Variants in ATP5F1A observed in about 807,000 individuals in gnomAD.
The protein encoded by ATP5F1A is ATP synthase F(1) complex subunit alpha, mitochondrial.
Under a neutral mutation model 57.4 loss-of-function variants are expected in ATP5F1A, and 24 were observed. The observed-to-expected ratio is 0.42, with a 90% confidence interval of 0.30 to 0.59. ATP5F1A has a LOEUF of 0.59. ATP5F1A is among the 20% of genes least tolerant of loss of function. ATP5F1A has a pLI of 0.19. For missense variants in ATP5F1A, 494 were observed against 707.9 expected (o/e 0.70, Z 3.43); for synonymous variants, 251 against 255.5 (o/e 0.98, Z 0.17).
At chr18:46,095,876 A>G (rs1910910022) in intron 1 of ATP5F1A, among the ~76,000 whole-genome samples, 1 of 150,820 alleles carries the variant, frequency 6.6e-6, no homozygotes, top group Non-Finnish European at 1.5e-5. Context: ...CAGTAAATAT[A>G]TATATACACA....
upstream of ATP5F1A, among the ~76,000 whole-genome samples, chr18:46,100,147 A>T: frequency 6.7e-6 from 1 of 149,162 alleles, no homozygotes; most frequent in Non-Finnish European, 1.5e-5. Flanking sequence ...GCTACTGGGG[A>T]GGCTGAGGCA....
rs541416190 is a variant in ATP5F1A at position 46,084,459 on chromosome 18, C to T, written c.1580+45G>A. 22 of 1,576,036 alleles carry T rather than the reference C, an allele frequency of 1.4e-5. No homozygotes were observed. The African/African-American group carries it at 2.3e-4, about 17-fold the overall frequency. ...TTTGAAAATAATTTTAACTTCATATCTTAAACATAACTTTAAAAAAAGATG... is the reference window on the plus strand; with the variant it reads ...TTTGAAAATAATTTTAACTTCATATTTTAAACATAACTTTAAAAAAAGATG... On this transcript the variant is annotated intron_variant, in intron 11 of 11. Transcript: ENST00000398752.
At chr18:46,089,802 T>G (rs759887921) in intron 4 of ATP5F1A, 21 bp downstream of exon 4, 3 of 1,609,550 alleles carry the variant, frequency 1.9e-6, no homozygotes, top group Non-Finnish European at 1.7e-6. Flanking sequence ...TGCAACTATA[T>G]CTAACGAACA....
chr18:46,099,265 T>G (rs1212162956), upstream of ATP5F1A: 1 of 151,672 alleles, frequency 6.6e-6, no homozygotes, highest in East Asian at 1.9e-4. Flanking sequence ...TCATTTGGAG[T>G]CAAAGGGAGA....
intron 1 of ATP5F1A, chr18:46,097,737 C>T: frequency 1.2e-6 from 1 of 833,226 alleles, no homozygotes; most frequent in Non-Finnish European, 1.5e-6. Context: ...GACCTTCACA[C>T]AATGTCAGAC....
At chr18:46,084,402 G>A (rs1909934365) in intron 11 of ATP5F1A, 39 bp from the exon 12 acceptor site, 1 of 1,595,892 alleles carries the variant, frequency 6.3e-7, no homozygotes, top group African/African-American at 1.4e-5. Flanking sequence ...TTCTGACCTG[G>A]AAAAAGTTTT....
At chr18:46,099,989 G>A (rs1446183303), upstream of ATP5F1A, among the ~76,000 whole-genome samples, 1 of 152,048 alleles carries the variant, frequency 6.6e-6, no homozygotes, top group Non-Finnish European at 1.5e-5. Context: ...AGTGGCTCAC[G>A]CCTGTAATCC....
chr18:46,098,362 A>AAACCCCCCCCCC (rs1555696620), upstream of ATP5F1A: 1 of 1,192,938 alleles, frequency 8.4e-7, no homozygotes, highest in Non-Finnish European at 1.1e-6. Context: ...CCTCGCGTTC[A>AAACCCCCCCCCC]CCACCTCTCC....
At chr18:46,104,192 A>T (rs1195854758) in exon 1 of ATP5F1A, 6 of 405,202 alleles carry the variant, frequency 1.5e-5, no homozygotes, top group Non-Finnish European at 2.2e-5. Flanking sequence ...GAAGGCGGGA[A>T]GAGCTGGGAA....
At chr18:46,084,907 C>CT (rs1393340083) in intron 10 of ATP5F1A, 4 of 359,412 alleles carry the variant, frequency 1.1e-5, no homozygotes, top group Non-Finnish European at 2.0e-5. Flanking sequence ...TGTTTATAAT[C>CT]TGACAGTGTT....
upstream of ATP5F1A, among the ~76,000 whole-genome samples, chr18:46,100,076 C>A (rs927668245): frequency 6.6e-6 from 1 of 151,600 alleles, no homozygotes; most frequent in Non-Finnish European, 1.5e-5. Flanking sequence ...CATGGCAAAA[C>A]CCCATCTCTA....
In ATP5F1A at chr18:46,084,518, C is replaced by T. The variant is rs563441821; in HGVS notation, c.1566G>A (p.Leu522=). 6.3e-7 allele frequency: 1 copy of T among 1,599,094 alleles called. No individual in the cohort carries two copies. The highest frequency in any genetic ancestry group is 8.5e-7 in the Non-Finnish European group (1 of 1,175,972). The change falls in exon 11 of 12, where the codon TTG becomes TTA. Residue 522 remains leucine (L), a synonymous_variant. Transcript: ENST00000398752. ...TGCATTCATACCTGATAGTGCCCAA[C>T]AAGGCTTGGTGCTGGCTGACGACAT... is the stretch of plus-strand genomic sequence containing the variant. The part of the protein sequence containing the change: ...LSHVVSQHQA[L]LGTIRADGKI...
At chr18:46,084,400 T>C (rs1909933966) in intron 11 of ATP5F1A, 37 bp from the exon 12 acceptor site, 7 of 1,596,844 alleles carry the variant, frequency 4.4e-6, no homozygotes, top group African/African-American at 1.4e-5. Context: ...AGTTCTGACC[T>C]GGAAAAAGTT....
Position 46,087,601 on chromosome 18 carries a change from C to G in ATP5F1A, c.800-109G>C, listed in dbSNP as rs551188679. On this transcript the variant is annotated intron_variant, in intron 6 of 11. Transcript: ENST00000398752. The stretch of plus-strand genomic sequence containing the variant: ...ATTTACCATTAAGAGTTAATCAGGC[C>G]AGGCGCAGTGGCTCATGCCTGTAAT... 1.7e-3 allele frequency: 2,250 copies of G among 1,292,402 alleles called. 4 individuals carry two copies. Among genetic ancestry groups the G allele is most frequent in the Non-Finnish European group, 2.2e-3 (2,018 of 936,086 alleles). 80.1% of individuals were successfully genotyped at this position (1,292,402 alleles called of 1,614,324 possible).
chr18:46,090,828 A>G (rs988888263), intron 3 of ATP5F1A, among the ~76,000 whole-genome samples: 1 of 152,210 alleles, frequency 6.6e-6, no homozygotes, highest in Admixed American at 6.5e-5. Context: ...TACCATATTA[A>G]ACAGCACAGA....
At chr18:46,086,702 T>G (rs941682838) in intron 8 of ATP5F1A, 2 of 601,104 alleles carry the variant, frequency 3.3e-6, no homozygotes, top group Non-Finnish European at 5.8e-6. Context: ...ATAGGCAACA[T>G]ATTTATACTG....
chr18:46,098,790 C>G (rs1164499376), upstream of ATP5F1A, among the ~76,000 whole-genome samples: 2 of 152,232 alleles, frequency 1.3e-5, no homozygotes, highest in Non-Finnish European at 2.9e-5. Flanking sequence ...TTCAGACCCT[C>G]TGAGTCGAAA....
At position 46,089,129 on chromosome 18, in the gene ATP5F1A, T is replaced by C. The variant is rs538828466; in HGVS notation, c.650+437A>G. Among the ~76,000 whole-genome samples, 7 of 152,228 alleles carry C rather than the reference T, an allele frequency of 4.6e-5. No individual in the cohort carries two copies. The South Asian group carries it at 1.5e-3, about 32-fold the overall frequency. ...AGTAGAGATAGTGATCAATAAATAC[T>C]GAGGGAACTCAGAGACCAGTGGCGG... On this transcript the variant is annotated intron_variant, in intron 5 of 11. Coordinates refer to ENST00000398752, the MANE Select transcript of ATP5F1A (RefSeq NM_004046.6).
chr18:46,086,476 A>G lies in ATP5F1A; in HGVS notation c.1195T>C (p.Leu399=). Residue 399 remains leucine, a synonymous_variant, in exon 9 of 12, where the codon TTG becomes CTG. Coordinates refer to ENST00000398752, the MANE Select transcript of ATP5F1A (RefSeq NM_004046.6). The part of the protein sequence containing the change: ...TDGQIFLETE[L]FYKGIRPAIN... ...GCAGGGCGGATACCTTTGTAGAACA[A>G]TTCTGTTTCCAAGAAGATCTATAAT... 3 of 1,614,108 alleles carry G rather than the reference A, an allele frequency of 1.9e-6. No individual in the cohort carries two copies. The highest frequency in any genetic ancestry group is 1.3e-5 in the African/African-American group (1 of 75,050).
Sources: allele counts gnomAD v4.1 joint callset (sites outside exome capture counted in the v4.1 genomes callset), GRCh38; gene constraint gnomAD v4.1.1; transcripts MANE v1.5; gene names NCBI Gene and HGNC (gene_info 2026-07-23, HGNC 2026-07-21).